Variants in KCNIP4 observed in about 807,000 individuals in gnomAD.
The protein encoded by KCNIP4 is potassium voltage-gated channel interacting protein 4.
Under a neutral mutation model 34.0 loss-of-function variants are expected in KCNIP4, and 12 were observed. That is an observed-to-expected ratio of 0.35 (90% CI 0.23 to 0.57). The LOEUF is 0.57. KCNIP4 is among the 20% of genes least tolerant of loss of function. The pLI is 0.83. For synonymous variants in KCNIP4, 124 were observed against 102.2 expected (o/e 1.21, Z -1.29); for missense variants, 238 against 311.7 (o/e 0.76, Z 1.78).
chr4:21,758,117 T>C (rs12642578), intron 1 of KCNIP4, among the ~76,000 whole-genome samples: 74,914 of 152,074 alleles, frequency 0.49, 20,384 homozygotes, highest in Non-Finnish European at 0.63. Context: ...ATTGTTGCTA[T>C]TGATATTTAT....
At chr4:21,015,920 A>T (rs1739493979) in intron 1 of KCNIP4, among the ~76,000 whole-genome samples, 1 of 143,900 alleles carries the variant, frequency 6.9e-6, no homozygotes. Flanking sequence ...TAATATATAA[A>T]TATATATAAA....
intron 1 of KCNIP4, among the ~76,000 whole-genome samples, chr4:21,507,159 G>T (rs1463296347): frequency 6.6e-6 from 1 of 151,784 alleles, no homozygotes; most frequent in Non-Finnish European, 1.5e-5. Context: ...TTTTAAACAT[G>T]CAATCAATAT....
chr4:21,519,343 TACACACACACACAC>T (rs137872471), intron 1 of KCNIP4, among the ~76,000 whole-genome samples: 1 of 115,072 alleles, frequency 8.7e-6, no homozygotes, highest in Admixed American at 8.6e-5. Flanking sequence ...GAGAGAGAGA[TACACACACACACAC>T]ACACACACAC....
At chr4:21,677,584 C>T (rs1435860727) in intron 1 of KCNIP4, among the ~76,000 whole-genome samples, 1 of 152,162 alleles carries the variant, frequency 6.6e-6, no homozygotes, top group Non-Finnish European at 1.5e-5. Context: ...ACTCAAAGGC[C>T]TGTAGGGCAT....
At chr4:21,196,911 A>G (rs1756095280) in intron 1 of KCNIP4, among the ~76,000 whole-genome samples, 1 of 152,178 alleles carries the variant, frequency 6.6e-6, no homozygotes, top group South Asian at 2.1e-4. Context: ...TACAGACATT[A>G]TCAGCTGATC....
At chr4:21,356,249 GA>G in intron 1 of KCNIP4, among the ~76,000 whole-genome samples, 1 of 152,230 alleles carries the variant, frequency 6.6e-6, no homozygotes, top group Non-Finnish European at 1.5e-5. Flanking sequence ...CATTTCCTTT[GA>G]AAACCAGCAT....
rs140734041 is a variant in KCNIP4 at position 21,150,290 on chromosome 4, A to C, written c.62-267581T>G. The stretch of plus-strand genomic sequence containing the variant: ...GGATAATGGGAGTGTTAATGAGGGT[A>C]ATGCTTGGCTCCATTTGTCATCTGG... On this transcript the variant is annotated intron_variant, in intron 1 of 8. Transcript: ENST00000382152. 9.1e-4 allele frequency among the ~76,000 whole-genome samples: 132 copies of C among 144,962 alleles called. 2 individuals are homozygous for C. In the East Asian group the frequency reaches 0.02, roughly 22 times the overall value.
chr4:21,611,750 T>G (rs898358331), intron 1 of KCNIP4, among the ~76,000 whole-genome samples: 1 of 82,410 alleles, frequency 1.2e-5, no homozygotes, highest in Non-Finnish European at 2.2e-5. Context: ...GTACCATACA[T>G]TTTTTGGAGG....
intron 1 of KCNIP4, among the ~76,000 whole-genome samples, chr4:21,543,791 A>G (rs1737900597): frequency 6.6e-6 from 1 of 152,262 alleles, no homozygotes; most frequent in South Asian, 2.1e-4. Flanking sequence ...CCAGGGAAGA[A>G]GACCTTTTTC....
chr4:21,007,422 A>G (rs1185178601), intron 1 of KCNIP4, among the ~76,000 whole-genome samples: 1 of 152,208 alleles, frequency 6.6e-6, no homozygotes, highest in Non-Finnish European at 1.5e-5. Flanking sequence ...GTAGATGTAT[A>G]TATTTATGGA....
intron 5 of KCNIP4, among the ~76,000 whole-genome samples, chr4:20,748,216 C>A (rs1752782832): frequency 6.6e-6 from 1 of 152,122 alleles, no homozygotes; most frequent in African/African-American, 2.4e-5. Context: ...CTTCCCCAAC[C>A]TTCGCTCTTG....
intron 1 of KCNIP4, among the ~76,000 whole-genome samples, chr4:21,238,012 A>C (rs1258197545): frequency 6.6e-6 from 1 of 152,198 alleles, no homozygotes; most frequent in Non-Finnish European, 1.5e-5. Context: ...CCAGCAGCAC[A>C]TCAAAAAGCT....
chr4:20,886,640 A>C (rs1334146713), intron 1 of KCNIP4, among the ~76,000 whole-genome samples: 2 of 152,296 alleles, frequency 1.3e-5, no homozygotes, highest in Non-Finnish European at 1.5e-5. Context: ...TTCACTGAGC[A>C]CCTCTGGCGT....
chr4:21,012,957 T>C (rs534619635), intron 1 of KCNIP4, among the ~76,000 whole-genome samples: 3 of 152,260 alleles, frequency 2.0e-5, no homozygotes, highest in Admixed American at 2.0e-4. Flanking sequence ...CTCACTGTAA[T>C]CCTGAGAATT....
At chr4:21,472,308 G>C (rs1000205698) in intron 1 of KCNIP4, among the ~76,000 whole-genome samples, 19 of 152,022 alleles carry the variant, frequency 1.2e-4, no homozygotes, top group African/African-American at 4.6e-4. Context: ...GATCGTAGGA[G>C]ATGGTAGAGC....
chr4:21,105,564 T>G (rs1490382296), intron 1 of KCNIP4, among the ~76,000 whole-genome samples: 1 of 151,648 alleles, frequency 6.6e-6, no homozygotes, highest in African/African-American at 2.4e-5. Context: ...GACTTCCTCT[T>G]TTCCTAATTG....
intron 1 of KCNIP4, among the ~76,000 whole-genome samples, chr4:21,156,654 A>G (rs1297219324): frequency 1.3e-5 from 2 of 152,184 alleles, no homozygotes; most frequent in African/African-American, 4.8e-5. Context: ...AGATCTGCCT[A>G]AGACACTAAG....
chr4:21,488,344 A>G (rs1732094147), intron 1 of KCNIP4, among the ~76,000 whole-genome samples: 1 of 152,170 alleles, frequency 6.6e-6, no homozygotes, highest in Non-Finnish European at 1.5e-5. Context: ...TATAGCAGCA[A>G]CAGAATTATT....
At chr4:20,909,171 A>C (rs1362872716) in intron 1 of KCNIP4, among the ~76,000 whole-genome samples, 5 of 152,228 alleles carry the variant, frequency 3.3e-5, no homozygotes. Context: ...ATAGACTAGA[A>C]AATCATATAT....
Sources: gnomAD v4.1 joint callset for allele counts (sites outside exome capture counted in the v4.1 genomes callset) on GRCh38, gnomAD v4.1.1 for gene constraint, MANE v1.5 for transcripts, NCBI Gene and HGNC (gene_info 2026-07-23, HGNC 2026-07-21) for gene names.